Variants in COMMD1 observed in about 807,000 individuals in gnomAD.
The protein encoded by COMMD1 is COMM domain-containing protein 1.
A neutral mutation model predicts 17.2 loss-of-function variants in COMMD1; 10 were observed. The observed-to-expected ratio is 0.58, with a 90% CI of 0.36 to 0.99. The LOEUF (loss-of-function observed/expected upper bound fraction) is 0.99. COMMD1 is among the 50% of genes least tolerant of loss of function. The probability of loss-of-function intolerance (pLI) is 0.01; values close to 1 mark genes in which losing one functional copy is unlikely to be tolerated. For synonymous variants in COMMD1, 97 were observed against 91.6 expected, an observed-to-expected ratio of 1.06 and a Z score of -0.34; for missense variants, 270 against 231.8, an observed-to-expected ratio of 1.17 and a Z score of -1.07.
At chr2:62,098,469 G>T (rs1672079785) in intron 2 of COMMD1, among the ~76,000 whole-genome samples, 1 of 151,878 alleles carries the variant, frequency 6.6e-6, no homozygotes, top group Non-Finnish European at 1.5e-5. Context: ...GTCAGCTAGG[G>T]TTGACTAAGT....
chr2:61,934,862 C>T (rs750438248), intron 1 of COMMD1, among the ~76,000 whole-genome samples: 10 of 152,172 alleles, frequency 6.6e-5, no homozygotes, highest in African/African-American at 1.4e-4. Flanking sequence ...AAGCAGTCCT[C>T]CTGCCTTGGC....
intron 2 of COMMD1, among the ~76,000 whole-genome samples, chr2:62,126,065 T>C (rs1672876937): frequency 6.6e-6 from 1 of 152,196 alleles, no homozygotes; most frequent in Non-Finnish European, 1.5e-5. Context: ...ATAATGGCTT[T>C]GAGCTCCATC....
chr2:62,129,016 A>G (rs939131007), intron 2 of COMMD1, among the ~76,000 whole-genome samples: 1 of 152,072 alleles, frequency 6.6e-6, no homozygotes, highest in Non-Finnish European at 1.5e-5. Context: ...GTTCTAGCTT[A>G]TCCTATTATT....
intron 1 of COMMD1, among the ~76,000 whole-genome samples, chr2:61,913,643 A>G (rs1322132039): frequency 1.3e-5 from 2 of 151,314 alleles, no homozygotes; most frequent in Admixed American, 6.6e-5. Context: ...AAAAATACAA[A>G]AAATTAGCTG....
chr2:62,122,206 T>G (rs1320040420), intron 2 of COMMD1, among the ~76,000 whole-genome samples: 1 of 152,230 alleles, frequency 6.6e-6, no homozygotes, highest in Admixed American at 6.5e-5. Context: ...TTTTGTTGGA[T>G]GTTTCTAAAA....
chr2:61,962,169 T>G (rs1671358448), intron 1 of COMMD1, among the ~76,000 whole-genome samples: 1 of 152,198 alleles, frequency 6.6e-6, no homozygotes, highest in Non-Finnish European at 1.5e-5. Context: ...TACCTTACAG[T>G]CAGTATCTGT....
At position 61,965,276 on chromosome 2, in the gene COMMD1, A is replaced by G. The variant is rs916798257; in HGVS notation, c.181-35425A>G. Reference sequence around the variant, plus strand: ...ATGGAAGCATAAACATGGAAATAAAATTTTATGTAAAATTTTTCTGAAATA... The same window carrying G: ...ATGGAAGCATAAACATGGAAATAAAGTTTTATGTAAAATTTTTCTGAAATA... On this transcript the variant is annotated intron_variant, in intron 1 of 2. Transcript: ENST00000311832. Among the ~76,000 whole-genome samples, 4 of 152,326 alleles carry G rather than the reference A, an allele frequency of 2.6e-5. No homozygotes were observed. In the East Asian group the frequency reaches 7.7e-4, roughly 29 times the overall value.
chr2:61,946,799 A>C (rs185422815), intron 1 of COMMD1, among the ~76,000 whole-genome samples: 95 of 152,080 alleles, frequency 6.2e-4, no homozygotes, highest in Non-Finnish European at 1.2e-3. Context: ...AACTTCATAT[A>C]TTCCTTCAGG....
At chr2:61,968,322 T>C (rs113598410) in intron 1 of COMMD1, among the ~76,000 whole-genome samples, 1 of 152,178 alleles carries the variant, frequency 6.6e-6, no homozygotes, top group Non-Finnish European at 1.5e-5. Context: ...CCTACAGATA[T>C]AGCAATATGG....
At chr2:61,889,157 G>A (rs1669349972) in intron 1 of COMMD1, among the ~76,000 whole-genome samples, 1 of 141,982 alleles carries the variant, frequency 7.0e-6, no homozygotes, top group South Asian at 2.2e-4. Context: ...CCCGCCTCGG[G>A]CTCCCAAAGT....
chr2:61,952,797 C>G (rs562251360), intron 1 of COMMD1, among the ~76,000 whole-genome samples: 1 of 152,148 alleles, frequency 6.6e-6, no homozygotes, highest in South Asian at 2.1e-4. Context: ...ACCCACTGGG[C>G]GATTATGTTT....
Position 61,951,056 on chromosome 2 carries a change from A to G in COMMD1, c.180+45198A>G, listed in dbSNP as rs538274133. Among the ~76,000 whole-genome samples, 33 of 152,298 alleles carry G rather than the reference A, an allele frequency of 2.2e-4. 1 individual carries two copies. The highest frequency in any genetic ancestry group is 7.2e-4 in the African/African-American group (30 of 41,566). Reference sequence around the variant, plus strand: ...GGTTCTGTTGGCCTTTTTGCTGCCAATGGCAATGGGCAGACTCTCTATGGC... The same window carrying G: ...GGTTCTGTTGGCCTTTTTGCTGCCAGTGGCAATGGGCAGACTCTCTATGGC... On this transcript the variant is annotated intron_variant, in intron 1 of 2. Transcript: ENST00000311832.
intron 2 of COMMD1, among the ~76,000 whole-genome samples, chr2:62,003,932 A>T (rs1669037327): frequency 6.6e-6 from 1 of 152,162 alleles, no homozygotes; most frequent in Non-Finnish European, 1.5e-5. Flanking sequence ...GTTTGAGACC[A>T]GCCTGGCCAA....
intron 1 of COMMD1, among the ~76,000 whole-genome samples, chr2:61,958,796 T>C (rs1198332840): frequency 6.6e-6 from 1 of 152,200 alleles, no homozygotes; most frequent in Non-Finnish European, 1.5e-5. Flanking sequence ...TAGTATTTAT[T>C]TATAATGACT....
At chr2:61,932,789 G>A in intron 1 of COMMD1, among the ~76,000 whole-genome samples, 1 of 152,184 alleles carries the variant, frequency 6.6e-6, no homozygotes. Flanking sequence ...GCAAATGAAT[G>A]CTGGAAGCAG....
intron 2 of COMMD1, among the ~76,000 whole-genome samples, chr2:62,110,595 T>A (rs1321408970): frequency 6.6e-6 from 1 of 152,182 alleles, no homozygotes; most frequent in Non-Finnish European, 1.5e-5. Flanking sequence ...TGTGAGGCAG[T>A]GTGGACACTG....
At chr2:62,006,623 A>G (rs903912348) in intron 2 of COMMD1, among the ~76,000 whole-genome samples, 2 of 152,236 alleles carry the variant, frequency 1.3e-5, no homozygotes, top group African/African-American at 4.8e-5. Flanking sequence ...TTTAAGGTGA[A>G]TATTTTATAT....
intron 2 of COMMD1, among the ~76,000 whole-genome samples, chr2:62,135,074 A>G (rs563049883): frequency 6.6e-6 from 1 of 152,290 alleles, no homozygotes; most frequent in African/African-American, 2.4e-5. Flanking sequence ...TTGTAATCCA[A>G]GGTGCTGTGG....
chr2:61,926,095 C>T (rs1025826374), intron 1 of COMMD1, among the ~76,000 whole-genome samples: 9 of 151,952 alleles, frequency 5.9e-5, no homozygotes, highest in African/African-American at 9.7e-5. Flanking sequence ...CTCAGCCTCC[C>T]GAGTAGCTGG....
Sources: allele counts gnomAD v4.1 joint callset (sites outside exome capture counted in the v4.1 genomes callset), GRCh38; gene constraint gnomAD v4.1.1; transcripts MANE v1.5; gene names NCBI Gene and HGNC (gene_info 2026-07-23, HGNC 2026-07-21).